The following RALYL variants were observed in gnomAD, a reference collection of about 807,000 sequenced individuals.
RALYL encodes the protein RALY RNA binding protein like.
In RALYL, 29 loss-of-function variants were observed where a neutral mutation model predicts 35.1. That is an observed-to-expected ratio of 0.83 (90% confidence interval 0.61 to 1.13). The LOEUF is 1.13. Among genes scored for constraint, RALYL ranks in the 50% most tolerant of loss-of-function variants. RALYL has a pLI of 0.00. For missense variants in RALYL, 359 were observed against 360.4 expected (o/e 1.00, Z 0.03); for synonymous variants, 120 against 127.6 (o/e 0.94, Z 0.40).
At chr8:84,878,377 A>G (rs550552494) in intron 7 of RALYL, among the ~76,000 whole-genome samples, 2 of 152,296 alleles carry the variant, frequency 1.3e-5, no homozygotes, top group South Asian at 2.1e-4. Flanking sequence ...CCAAGAGGAA[A>G]GACTTAAAGA....
chr8:84,908,337 C>G (rs1300683187), intron 8 of RALYL, among the ~76,000 whole-genome samples: 2 of 152,108 alleles, frequency 1.3e-5, no homozygotes, highest in Non-Finnish European at 2.9e-5. Context: ...AAATCTTGTA[C>G]TCTTTGACAG....
At chr8:84,766,128 A>G (rs1033072090) in intron 2 of RALYL, among the ~76,000 whole-genome samples, 2 of 152,166 alleles carry the variant, frequency 1.3e-5, no homozygotes, top group Non-Finnish European at 1.5e-5. Context: ...TCCAAGTTGA[A>G]TCCATGGCAA....
At position 84,568,627 on chromosome 8, in the gene RALYL, C is replaced by A. The variant is rs1458361852; in HGVS notation, c.256+39050C>A. ...TCTAGATCCCTGAGGAATCGCCACA[C>A]TGACTTCCACAATGGTTGAACTAGT... On this transcript the variant is annotated intron_variant, in intron 2 of 8. Coordinates refer to ENST00000521268, the MANE Select transcript of RALYL (RefSeq NM_173848.7). Among the ~76,000 whole-genome samples the A allele has an allele frequency of 7.8e-5, 11 of 140,352 alleles. No individual in the cohort carries two copies. In the East Asian group the frequency reaches 2.1e-3, roughly 27 times the overall value. The allele number at this position is 140,352 out of a possible 152,430, so 92.1% of individuals were successfully genotyped here.
At chr8:84,774,557 C>T in intron 2 of RALYL, 22 bp from the exon 3 acceptor site, 1 of 1,510,668 alleles carries the variant, frequency 6.6e-7, no homozygotes, top group South Asian at 1.2e-5. Flanking sequence ...TTAATCAGTA[C>T]TGTTTTATTT....
intron 8 of RALYL, among the ~76,000 whole-genome samples, chr8:84,919,580 T>C (rs542470770): frequency 1.3e-5 from 2 of 152,120 alleles, no homozygotes; most frequent in African/African-American, 4.8e-5. Flanking sequence ...AAAATTCATA[T>C]ATATGTGATC....
At chr8:84,628,362 TTA>T in intron 2 of RALYL, among the ~76,000 whole-genome samples, 1 of 152,212 alleles carries the variant, frequency 6.6e-6, no homozygotes, top group Middle Eastern at 3.4e-3. Context: ...CCCTATCCCA[TTA>T]TGATCCCCAA....
At position 84,762,587 on chromosome 8, in the gene RALYL, G is replaced by A. The variant is rs144704207; in HGVS notation, c.257-11992G>A. Among the ~76,000 whole-genome samples, 124 of 152,256 alleles carry A rather than the reference G, an allele frequency of 8.1e-4. 3 individuals carry two copies. In the East Asian group the frequency reaches 0.021, roughly 26 times the overall value. The stretch of plus-strand genomic sequence containing the variant: ...TTGCCATAAGCAATGGATTTTTTAA[G>A]TTAAAAAGTCAGCTTTATCCACAGA... On this transcript the variant is annotated intron_variant, in intron 2 of 8. Coordinates refer to ENST00000521268, the MANE Select transcript of RALYL (RefSeq NM_173848.7).
chr8:84,601,731 A>G (rs1352761672), intron 2 of RALYL, among the ~76,000 whole-genome samples: 2 of 152,094 alleles, frequency 1.3e-5, no homozygotes, highest in East Asian at 1.9e-4. Flanking sequence ...AGAAAAAAAA[A>G]CTAAAGCCCT....
chr8:84,304,085 C>CAT (rs370669477), intron 1 of RALYL, among the ~76,000 whole-genome samples: 209 of 151,986 alleles, frequency 1.4e-3, no homozygotes, highest in African/African-American at 4.6e-3. Flanking sequence ...ATATAAAACT[C>CAT]ATATTTCATT....
intron 1 of RALYL, among the ~76,000 whole-genome samples, chr8:84,234,925 C>T (rs1342846993): frequency 3.3e-5 from 5 of 151,914 alleles, no homozygotes; most frequent in Non-Finnish European, 7.4e-5. Flanking sequence ...CGACCATGCC[C>T]GGCTAATTTT....
At chr8:84,719,002 A>C (rs1336725259) in intron 2 of RALYL, among the ~76,000 whole-genome samples, 1 of 152,064 alleles carries the variant, frequency 6.6e-6, no homozygotes, top group Non-Finnish European at 1.5e-5. Flanking sequence ...CTCTTGTCTG[A>C]GCTAATTCCT....
intron 1 of RALYL, among the ~76,000 whole-genome samples, chr8:84,471,007 T>A (rs1213023958): frequency 6.6e-6 from 1 of 152,062 alleles, no homozygotes; most frequent in South Asian, 2.1e-4. Flanking sequence ...CACTTTGGAG[T>A]CATATGTTCA....
intron 3 of RALYL, among the ~76,000 whole-genome samples, chr8:84,795,704 G>A (rs1279940421): frequency 6.6e-6 from 1 of 152,010 alleles, no homozygotes; most frequent in Non-Finnish European, 1.5e-5. Flanking sequence ...TCTTATTCCT[G>A]TGGCAGACAT....
In RALYL at chr8:84,343,684, C is replaced by T. The variant is rs145563686; in HGVS notation, c.-24+159260C>T. Among the ~76,000 whole-genome samples, 1,157 of 151,868 alleles carry T rather than the reference C, an allele frequency of 7.6e-3. 19 individuals are homozygous for T. Among genetic ancestry groups the T allele is most frequent in the African/African-American group, 0.027 (1,110 of 41,404 alleles). The stretch of plus-strand genomic sequence containing the variant: ...TCACTCTGCCACCCAGACTGGAGTA[C>T]AGTGGTGCAATCATGGCTCACTGCA... On this transcript the variant is annotated intron_variant, in intron 1 of 8. Transcript: ENST00000521268.
intron 2 of RALYL, 75 bp from the exon 3 acceptor site, chr8:84,774,500 AAAAT>A: frequency 7.5e-6 from 7 of 934,374 alleles, no homozygotes; most frequent in Non-Finnish European, 1.2e-5. Context: ...AGTAAAAAGA[AAAAT>A]AAAAGTTCAT....
intron 2 of RALYL, among the ~76,000 whole-genome samples, chr8:84,731,029 A>C (rs1455963211): frequency 6.6e-6 from 1 of 152,162 alleles, no homozygotes. Context: ...AGAGAATGTG[A>C]GAAAGAGGGG....
chr8:84,897,454 T>C (rs187717264), intron 8 of RALYL, among the ~76,000 whole-genome samples: 1 of 152,350 alleles, frequency 6.6e-6, no homozygotes, highest in Admixed American at 6.5e-5. Context: ...GTTAAATTTT[T>C]ATTTGATTGT....
chr8:84,620,139 C>G (rs1261353756), intron 2 of RALYL, among the ~76,000 whole-genome samples: 1 of 152,116 alleles, frequency 6.6e-6, no homozygotes, highest in Non-Finnish European at 1.5e-5. Context: ...GAATGTTGGC[C>G]TGCCTTGCTA....
intron 2 of RALYL, among the ~76,000 whole-genome samples, chr8:84,678,586 G>A (rs1834708552): frequency 6.6e-6 from 1 of 152,030 alleles, no homozygotes; most frequent in Admixed American, 6.6e-5. Flanking sequence ...GTTTTTTAAT[G>A]CAAACAAGCA....
Sources: gnomAD v4.1 joint callset for allele counts (sites outside exome capture counted in the v4.1 genomes callset) on GRCh38, gnomAD v4.1.1 for gene constraint, MANE v1.5 for transcripts, NCBI Gene and HGNC (gene_info 2026-07-23, HGNC 2026-07-21) for gene names.